PTPN14: variants seen among roughly 807,000 people sequenced by gnomAD.
PTPN14 encodes the protein tyrosine-protein phosphatase non-receptor type 14.
In PTPN14, 53 loss-of-function variants were observed where a neutral mutation model predicts 126.8. The ratio of observed to expected loss-of-function variants is 0.42; its 90% CI spans 0.34 to 0.53. The LOEUF (loss-of-function observed/expected upper bound fraction) is 0.53. PTPN14 is among the 20% of genes least tolerant of loss of function. PTPN14 has a pLI of 0.08. For synonymous variants in PTPN14, 630 were observed against 599.3 expected, an observed-to-expected ratio of 1.05 and a Z score of -0.75; for missense variants, 1,257 against 1,552.9, an observed-to-expected ratio of 0.81 and a Z score of 3.20.
intron 1 of PTPN14, among the ~76,000 whole-genome samples, chr1:214,508,342 G>A (rs925559365): frequency 3.3e-5 from 5 of 152,112 alleles, no homozygotes; most frequent in South Asian, 2.1e-4. Context: ...CTTTCTTGTC[G>A]TTTTAACAAT....
intron 1 of PTPN14, among the ~76,000 whole-genome samples, chr1:214,507,086 T>C (rs1300257887): frequency 1.3e-5 from 2 of 152,118 alleles, no homozygotes; most frequent in East Asian, 3.9e-4. Flanking sequence ...ATAAAACTTC[T>C]GTGATATGCA....
intron 3 of PTPN14, among the ~76,000 whole-genome samples, chr1:214,434,736 G>C (rs1044231402): frequency 1.3e-5 from 2 of 152,152 alleles, no homozygotes; most frequent in Non-Finnish European, 1.5e-5. Context: ...CCAGAGAAAA[G>C]GTGGAAGAAC....
chr1:214,472,973 AAAGGTCTTTT>A (rs1222809000), intron 1 of PTPN14, among the ~76,000 whole-genome samples: 2 of 152,222 alleles, frequency 1.3e-5, no homozygotes, highest in African/African-American at 4.8e-5. Context: ...ATCACATCTT[AAAGGTCTTTT>A]ATATAGAATA....
intron 3 of PTPN14, among the ~76,000 whole-genome samples, chr1:214,446,474 T>C (rs1660144597): frequency 6.6e-6 from 1 of 152,148 alleles, no homozygotes; most frequent in South Asian, 2.1e-4. Flanking sequence ...GTCAAATTAA[T>C]GTCAAAAAAA....
At chr1:214,374,957 T>C (rs1457652999) in intron 15 of PTPN14, among the ~76,000 whole-genome samples, 1 of 152,222 alleles carries the variant, frequency 6.6e-6, no homozygotes, top group Non-Finnish European at 1.5e-5. Context: ...AATACATTAC[T>C]TTGGTCATTG....
intron 1 of PTPN14, chr1:214,533,343 C>T (rs923203259): frequency 1.6e-5 from 8 of 490,714 alleles, no homozygotes; most frequent in Non-Finnish European, 2.7e-5. Context: ...ACGGTGAGGA[C>T]TTCAATCTTC....
chr1:214,400,701 G>A (rs995483682), intron 7 of PTPN14, among the ~76,000 whole-genome samples: 9 of 152,224 alleles, frequency 5.9e-5, no homozygotes, highest in Non-Finnish European at 1.2e-4. Context: ...GTGGGATGCA[G>A]ATGGCTTCAT....
In PTPN14 at chr1:214,383,761, G is replaced by A; in HGVS notation, c.2094C>T (p.Phe698=). ...TGTGGATTAGCATAGTGGCATCAGA[G>A]AAGGTCTTCTTGTGGTGATACTGAG... ...QLPQYHHKKT[F]SDATMLIHSS... Residue 698 remains phenylalanine, a synonymous_variant, in exon 13 of 19, where the codon TTC becomes TTT. Coordinates refer to ENST00000366956, the MANE Select transcript of PTPN14 (RefSeq NM_005401.5). This position sits in a 1 kb window ranked among gnomAD's most constrained non-coding sequence, Gnocchi z 4.4. 3 of 1,613,440 alleles carry A rather than the reference G, an allele frequency of 1.9e-6. No individual in the cohort carries two copies. The highest frequency in any genetic ancestry group is 2.5e-6 in the Non-Finnish European group (3 of 1,180,024).
chr1:214,376,102 G>A lies in PTPN14; in HGVS notation c.2907+117C>T. 1.2e-5 allele frequency: 11 copies of A among 911,194 alleles called. No individual in the cohort carries two copies. In the South Asian group the frequency reaches 1.9e-4, roughly 16 times the overall value. 56.4% of individuals were successfully genotyped at this position (911,194 alleles called of 1,614,324 possible). On this transcript the variant is annotated intron_variant, in intron 15 of 18. Coordinates refer to ENST00000366956, the MANE Select transcript of PTPN14 (RefSeq NM_005401.5). ...GCACAGGAGTTCAAAAACAATCCCT[G>A]AGGGTCTGGGGACAAGCCAAAAGGT...
intron 9 of PTPN14, 21 bp from the exon 10 acceptor site, chr1:214,393,798 G>C: frequency 6.5e-6 from 10 of 1,527,944 alleles, no homozygotes; most frequent in Non-Finnish European, 9.1e-6. Context: ...AAGAGACAGA[G>C]AAAAAAATAA....
intron 18 of PTPN14, among the ~76,000 whole-genome samples, chr1:214,362,508 A>G (rs987547222): frequency 3.3e-4 from 50 of 152,228 alleles, no homozygotes; most frequent in African/African-American, 1.1e-3. Flanking sequence ...CTTACTCCAA[A>G]CTGTTCCGGA....
intron 8 of PTPN14, among the ~76,000 whole-genome samples, chr1:214,397,653 G>C (rs1159553984): frequency 1.3e-5 from 2 of 152,212 alleles, no homozygotes; most frequent in African/African-American, 4.8e-5. Context: ...TTTTCAACCA[G>C]ACTCACGAAG....
chr1:214,519,779 G>A (rs1009023867), intron 1 of PTPN14, among the ~76,000 whole-genome samples: 3 of 151,974 alleles, frequency 2.0e-5, no homozygotes, highest in Non-Finnish European at 2.9e-5. Context: ...GCTGGGTGTC[G>A]TGGCTCACGC....
intron 1 of PTPN14, among the ~76,000 whole-genome samples, chr1:214,484,852 T>C (rs1219039744): frequency 6.6e-6 from 1 of 152,204 alleles, no homozygotes; most frequent in Middle Eastern, 3.2e-3. Context: ...TGCGAGGTGC[T>C]GAGATTATCT....
chr1:214,532,770 A>G, intron 1 of PTPN14: 3 of 828,314 alleles, frequency 3.6e-6, no homozygotes, highest in Non-Finnish European at 6.3e-6. Context: ...TCACTTGGCC[A>G]CAGCTGGAGA....
intron 1 of PTPN14, among the ~76,000 whole-genome samples, chr1:214,516,698 A>G (rs1655110136): frequency 6.6e-6 from 1 of 152,168 alleles, no homozygotes; most frequent in Non-Finnish European, 1.5e-5. Flanking sequence ...GATTCAAAGG[A>G]AATAGAAAGG....
At chr1:214,373,548 A>G (rs991303703) in intron 15 of PTPN14, among the ~76,000 whole-genome samples, 4 of 137,534 alleles carry the variant, frequency 2.9e-5, no homozygotes, top group Non-Finnish European at 4.6e-5. Flanking sequence ...TTTCTAGTCG[A>G]TTTCATTGAA....
chr1:214,516,034 A>C (rs1458117264), intron 1 of PTPN14, among the ~76,000 whole-genome samples: 5 of 152,140 alleles, frequency 3.3e-5, no homozygotes, highest in African/African-American at 1.2e-4. Context: ...CCTAGGTATA[A>C]TTTCCTGCAC....
chr1:214,406,308 T>C (rs1426299903), intron 5 of PTPN14, among the ~76,000 whole-genome samples: 1 of 151,928 alleles, frequency 6.6e-6, no homozygotes, highest in Non-Finnish European at 1.5e-5. Context: ...TGAAACTCCA[T>C]CTCTACTAAA....
Sources: allele counts gnomAD v4.1 joint callset (sites outside exome capture counted in the v4.1 genomes callset), GRCh38; gene constraint gnomAD v4.1.1; non-coding constraint Gnocchi (gnomAD v3.1); transcripts MANE v1.5; gene names NCBI Gene and HGNC (gene_info 2026-07-23, HGNC 2026-07-21).